PRTFDC1: variants seen among roughly 807,000 people sequenced by gnomAD.
The protein encoded by PRTFDC1 is phosphoribosyl transferase domain containing 1.
Under a neutral mutation model 34.6 loss-of-function variants are expected in PRTFDC1, and 38 were observed. That is an observed-to-expected ratio of 1.10 (90% confidence interval 0.85 to 1.44). PRTFDC1 has a LOEUF of 1.44. PRTFDC1 is among the 40% of genes most tolerant of loss of function. The pLI is 0.00. For missense variants in PRTFDC1, 270 were observed against 283.0 expected (o/e 0.95, Z 0.33); for synonymous variants, 93 against 98.1 (o/e 0.95, Z 0.31).
chr10:24,900,431 CT>C (rs1290838175), intron 3 of PRTFDC1, among the ~76,000 whole-genome samples: 1 of 152,174 alleles, frequency 6.6e-6, no homozygotes, highest in African/African-American at 2.4e-5. Context: ...TAACTTAGAA[CT>C]TTTGCATCTG....
intron 2 of PRTFDC1, among the ~76,000 whole-genome samples, chr10:24,942,117 C>T (rs1849168168): frequency 6.6e-6 from 1 of 152,148 alleles, no homozygotes; most frequent in African/African-American, 2.4e-5. Context: ...ATCCTTCTTA[C>T]CATATTACCA....
intron 4 of PRTFDC1, among the ~76,000 whole-genome samples, chr10:24,862,383 C>CT (rs11331105): frequency 1.1e-4 from 16 of 151,176 alleles, no homozygotes; most frequent in South Asian, 2.1e-4. Context: ...TTACATTTCT[C>CT]TTTTTTTTTG....
chr10:24,857,902 G>A (rs943929184), intron 5 of PRTFDC1, among the ~76,000 whole-genome samples: 23 of 151,850 alleles, frequency 1.5e-4, no homozygotes, highest in Admixed American at 9.2e-4. Context: ...TAAAAAAAAC[G>A]AAAAACGAAA....
intron 3 of PRTFDC1, among the ~76,000 whole-genome samples, chr10:24,920,279 A>G (rs1848766178): frequency 1.3e-5 from 2 of 151,414 alleles, no homozygotes; most frequent in Non-Finnish European, 2.9e-5. Context: ...ATATATGTGT[A>G]TATATATATG....
At chr10:24,891,594 A>T (rs1245681009) in intron 3 of PRTFDC1, among the ~76,000 whole-genome samples, 4 of 150,902 alleles carry the variant, frequency 2.7e-5, no homozygotes, top group African/African-American at 9.8e-5. Flanking sequence ...GGACTTCAAG[A>T]CCAGCCAAGG....
In PRTFDC1 at chr10:24,937,375, A is replaced by C; in HGVS notation, c.156-8T>G. On this transcript the variant is annotated splice_polypyrimidine_tract_variant and splice_region_variant and intron_variant, in intron 2 of 8. Coordinates refer to ENST00000320152, the MANE Select transcript of PRTFDC1 (RefSeq NM_020200.7). ...TTGGCCAGCCGCTCAATTCTGAAAGAAGGATAAAAGATATATTAAGGCACA... is the reference window on the plus strand; with the variant it reads ...TTGGCCAGCCGCTCAATTCTGAAAGCAGGATAAAAGATATATTAAGGCACA... 6.2e-7 allele frequency: 1 copy of C among 1,600,516 alleles called. No individual in the cohort carries two copies.
chr10:24,870,251 G>A (rs1847850408), intron 4 of PRTFDC1, among the ~76,000 whole-genome samples: 3 of 152,126 alleles, frequency 2.0e-5, no homozygotes, highest in African/African-American at 7.2e-5. Flanking sequence ...GGGATTACAG[G>A]TGTGCACCAC....
intron 7 of PRTFDC1, among the ~76,000 whole-genome samples, chr10:24,854,591 T>A (rs1463229337): frequency 1.3e-5 from 2 of 152,086 alleles, no homozygotes; most frequent in African/African-American, 4.8e-5. Context: ...TCGCCTCTAG[T>A]GTTAGAATAA....
chr10:24,926,511 G>A (rs1228903249), intron 3 of PRTFDC1, among the ~76,000 whole-genome samples: 1 of 152,134 alleles, frequency 6.6e-6, no homozygotes, highest in East Asian at 1.9e-4. Context: ...ACCATACCTG[G>A]CTAATTTTTG....
chr10:24,917,996 A>C (rs1356729944), intron 3 of PRTFDC1, among the ~76,000 whole-genome samples: 1 of 152,090 alleles, frequency 6.6e-6, no homozygotes, highest in Non-Finnish European at 1.5e-5. Context: ...TTTTTTCTGA[A>C]AAATTAATCT....
chr10:24,873,009 A>G (rs1470207155), intron 3 of PRTFDC1, among the ~76,000 whole-genome samples: 1 of 151,482 alleles, frequency 6.6e-6, no homozygotes, highest in Non-Finnish European at 1.5e-5. Flanking sequence ...TATTTTTAGT[A>G]CAGAAAAAGT....
intron 4 of PRTFDC1, among the ~76,000 whole-genome samples, chr10:24,860,510 T>A (rs1330118466): frequency 1.3e-5 from 2 of 152,224 alleles, no homozygotes; most frequent in African/African-American, 2.4e-5. Flanking sequence ...CTCTGTTAAC[T>A]TTGCACCGTA....
intron 5 of PRTFDC1, among the ~76,000 whole-genome samples, chr10:24,857,473 G>A (rs555040325): frequency 6.6e-6 from 1 of 152,332 alleles, no homozygotes; most frequent in South Asian, 2.1e-4. Flanking sequence ...GACAGCAGCT[G>A]GTGACAGCCT....
chr10:24,851,647 G>C (rs987557543), intron 7 of PRTFDC1, among the ~76,000 whole-genome samples, 183 bp from the exon 8 acceptor site: 1 of 151,862 alleles, frequency 6.6e-6, no homozygotes, highest in Non-Finnish European at 1.5e-5. Flanking sequence ...AGGACTACTC[G>C]GGAGGAAGGA....
chr10:24,917,815 C>T (rs917162919), intron 3 of PRTFDC1, among the ~76,000 whole-genome samples: 3 of 152,118 alleles, frequency 2.0e-5, no homozygotes, highest in African/African-American at 7.2e-5. Context: ...CCTCAAAGAA[C>T]ATTCACTGTC....
At chr10:24,945,383 C>T (rs1849237079) in intron 1 of PRTFDC1, among the ~76,000 whole-genome samples, 2 of 152,172 alleles carry the variant, frequency 1.3e-5, no homozygotes, top group Non-Finnish European at 2.9e-5. Flanking sequence ...ATAAAGAGCA[C>T]CACTGTTCAA....
At chr10:24,889,514 A>C (rs1848225899) in intron 3 of PRTFDC1, among the ~76,000 whole-genome samples, 1 of 152,220 alleles carries the variant, frequency 6.6e-6, no homozygotes, top group South Asian at 2.1e-4. Flanking sequence ...AACTTTAAGC[A>C]AAAAATTATT....
chr10:24,908,537 A>T, intron 3 of PRTFDC1: 3 of 1,612,706 alleles, frequency 1.9e-6, no homozygotes, highest in African/African-American at 2.7e-5. Context: ...CTGAAACCGG[A>T]TGTGGAAACA....
intron 2 of PRTFDC1, 105 bp downstream of exon 2, chr10:24,942,225 A>C: frequency 1.1e-6 from 1 of 888,916 alleles, no homozygotes; most frequent in Non-Finnish European, 1.8e-6. Context: ...CTCTACCACT[A>C]TAAAACGCAG....
Sources: gnomAD v4.1 joint callset for allele counts (sites outside exome capture counted in the v4.1 genomes callset) on GRCh38, gnomAD v4.1.1 for gene constraint, MANE v1.5 for transcripts, NCBI Gene and HGNC (gene_info 2026-07-23, HGNC 2026-07-21) for gene names.